Variants in CYTIP observed in about 807,000 individuals in gnomAD.
CYTIP encodes cytohesin 1 interacting protein, also known as cytohesin-interacting protein.
In CYTIP, 26 loss-of-function variants were observed where a neutral mutation model predicts 43.8. The ratio of observed to expected loss-of-function variants is 0.59; its 90% confidence interval spans 0.44 to 0.82. The LOEUF (loss-of-function observed/expected upper bound fraction) is 0.82. Ranked by LOEUF, CYTIP falls within the 40% of genes least tolerant of loss-of-function variation. The pLI, the probability that CYTIP is intolerant of heterozygous loss-of-function variation, is 0.00. For missense variants in CYTIP, 426 were observed against 443.1 expected (o/e 0.96, Z 0.35); for synonymous variants, 162 against 162.9 (o/e 0.99, Z 0.04).
At chr2:157,427,190 T>C (rs1685625520) in intron 6 of CYTIP, among the ~76,000 whole-genome samples, 161 bp downstream of exon 6, 1 of 152,196 alleles carries the variant, frequency 6.6e-6, no homozygotes. Flanking sequence ...GAATTTGATA[T>C]TCCTCCAAAG....
chr2:157,439,570 T>G lies in CYTIP; in HGVS notation c.174+4277A>C, dbSNP rs142094640. On this transcript the variant is annotated intron_variant, in intron 1 of 7. Coordinates refer to ENST00000264192, the MANE Select transcript of CYTIP (RefSeq NM_004288.5). ...AGACAGCCCTCCAGTCAGAGCCTTT[T>G]CTAAGGGTTGTAGTGATGGCGCCAA... Among the ~76,000 whole-genome samples the G allele has an allele frequency of 2.2e-3, 335 of 152,316 alleles. 1 individual carries two copies. The highest frequency in any genetic ancestry group is 7.6e-3 in the African/African-American group (316 of 41,562).
At chr2:157,437,156 G>GA (rs1214562441) in intron 1 of CYTIP, among the ~76,000 whole-genome samples, 1 of 151,928 alleles carries the variant, frequency 6.6e-6, no homozygotes, top group African/African-American at 2.4e-5. Context: ...ATTGGATTGG[G>GA]AAAAAATTTT....
At chr2:157,418,634 A>T in intron 6 of CYTIP, 45 bp from the exon 7 acceptor site, 1 of 1,503,236 alleles carries the variant, frequency 6.7e-7, no homozygotes, top group Non-Finnish European at 8.9e-7. Flanking sequence ...TTATTAGGAA[A>T]CCCCAGTGAA....
intron 3 of CYTIP, among the ~76,000 whole-genome samples, chr2:157,433,777 C>G (rs79705202): frequency 6.6e-6 from 1 of 152,084 alleles, no homozygotes; most frequent in African/African-American, 2.4e-5. Context: ...CAGCATGAGG[C>G]AATCTGCAAG....
In CYTIP at chr2:157,430,937, G is replaced by A; in HGVS notation, c.305C>T (p.Ala102Val). The change falls in exon 4 of 8, where the codon GCC becomes GTC. Residue 102 changes from alanine to valine, a missense_variant. Coordinates refer to ENST00000264192, the MANE Select transcript of CYTIP (RefSeq NM_004288.5). ...IQSYRPQNQN[A>V]CSSEMFTLIC... is the part of the protein sequence containing the mutation. ...CAAAGTGAACATTTCCGAGGAGCAG[G>A]CATTCTGATTCTGGGGCCTGTAAGA... The A allele has an allele frequency of 6.2e-7, 1 of 1,613,604 alleles. No homozygotes were observed. The highest frequency in any genetic ancestry group is 8.5e-7 in the Non-Finnish European group (1 of 1,179,806).
At chr2:157,442,833 C>T (rs1188213667) in intron 1 of CYTIP, among the ~76,000 whole-genome samples, 3 of 152,082 alleles carry the variant, frequency 2.0e-5, no homozygotes, top group Non-Finnish European at 4.4e-5. Context: ...AGAAGGCTTA[C>T]GAGAAGCACA....
intron 6 of CYTIP, among the ~76,000 whole-genome samples, chr2:157,426,622 G>A (rs1002204981): frequency 6.6e-6 from 1 of 152,124 alleles, no homozygotes; most frequent in East Asian, 1.9e-4. Context: ...TGCTCAGATT[G>A]GCTACCTGGT....
intron 5 of CYTIP, 59 bp downstream of exon 5, chr2:157,430,500 C>A (rs569718078): frequency 1.6e-4 from 235 of 1,439,932 alleles, no homozygotes; most frequent in Non-Finnish European, 2.1e-4. Context: ...ATTCACTCAT[C>A]AGGCTTTATG....
chr2:157,431,526 G>A lies in CYTIP; in HGVS notation c.280-564C>T, dbSNP rs138058235. Among the ~76,000 whole-genome samples the A allele has an allele frequency of 5.3e-5, 8 of 152,174 alleles. 1 individual carries two copies. In the East Asian group the frequency reaches 1.2e-3, roughly 22 times the overall value. On this transcript the variant is annotated intron_variant, in intron 3 of 7. Transcript: ENST00000264192. The stretch of plus-strand genomic sequence containing the variant: ...GGTATGCCTGTCCTGAATCCTCACC[G>A]GTTCATTAGTCACCCAACTAAATTA...
At chr2:157,440,923 T>C (rs1433010016) in intron 1 of CYTIP, among the ~76,000 whole-genome samples, 4 of 152,034 alleles carry the variant, frequency 2.6e-5, no homozygotes. Context: ...CCTACCGAGC[T>C]TTCCATTGCA....
intron 5 of CYTIP, among the ~76,000 whole-genome samples, chr2:157,429,363 C>CT (rs1381836914): frequency 2.0e-5 from 3 of 152,188 alleles, no homozygotes; most frequent in Non-Finnish European, 2.9e-5. Flanking sequence ...CAAATATCGC[C>CT]TCCCTAGAAA....
chr2:157,442,850 T>C (rs1355627709), intron 1 of CYTIP, among the ~76,000 whole-genome samples: 1 of 152,216 alleles, frequency 6.6e-6, no homozygotes, highest in Non-Finnish European at 1.5e-5. Flanking sequence ...CACATGATTG[T>C]ACATGCAAGA....
At chr2:157,429,818 T>C (rs1389879634) in intron 5 of CYTIP, among the ~76,000 whole-genome samples, 1 of 151,768 alleles carries the variant, frequency 6.6e-6, no homozygotes, top group Non-Finnish European at 1.5e-5. Flanking sequence ...GGTCAGGAGA[T>C]TGAGACCATC....
In CYTIP at chr2:157,415,357, C is replaced by T. The variant is rs148623966; in HGVS notation, c.*320G>A. The T allele has an allele frequency of 4.5e-6, 1 of 222,202 alleles. No individual in the cohort carries two copies. Among genetic ancestry groups the T allele is most frequent in the Admixed American group, 5.2e-5 (1 of 19,370 alleles). The allele number at this position is 222,202 out of a possible 1,614,324, so 13.8% of individuals were successfully genotyped here. ...TTCATACTTGACTCCAAAAAGTTCT[C>T]AATTATTCACAGGGATAATCTAGAA... is the stretch of plus-strand genomic sequence containing the variant. On this transcript the variant is annotated 3_prime_UTR_variant, in exon 8 of 8. Transcript: ENST00000264192.
intron 6 of CYTIP, among the ~76,000 whole-genome samples, chr2:157,425,581 TA>T (rs775005651): frequency 9.2e-5 from 14 of 152,292 alleles, no homozygotes; most frequent in Non-Finnish European, 1.3e-4. Context: ...GTATGTACAT[TA>T]AAACTTAAGG....
Position 157,443,929 on chromosome 2 carries a change from G to C in CYTIP, c.92C>G (p.Thr31Ser). 1 of 1,614,184 alleles carries C rather than the reference G, an allele frequency of 6.2e-7. No homozygotes were observed. Among genetic ancestry groups the C allele is most frequent in the Non-Finnish European group, 8.5e-7 (1 of 1,180,012 alleles). ...ATTATCGTCCATCGTAAGGCTGCCG[G>C]TGAGTGTGGAGTAAGAGCTATACGC... ...GPAYSSYSTLTGSLTMDDNRR... is the reference protein window; with the variant it reads ...GPAYSSYSTLSGSLTMDDNRR... Residue 31 changes from threonine (T) to serine (S), a missense_variant, in exon 1 of 8, where the codon ACC becomes AGC. Physicochemically the swap from Thr to Ser is moderately conservative, Grantham distance 58 (BLOSUM62 1). Coordinates refer to ENST00000264192, the MANE Select transcript of CYTIP (RefSeq NM_004288.5).
chr2:157,415,551 G>A lies in CYTIP; in HGVS notation c.*126C>T, dbSNP rs1685426052. 4.6e-6 allele frequency: 3 copies of A among 651,328 alleles called. No homozygotes were observed. The highest frequency in any genetic ancestry group is 5.4e-6 in the Non-Finnish European group (2 of 367,748). The allele number at this position is 651,328 out of a possible 1,614,324, so 40.3% of individuals were successfully genotyped here. On this transcript the variant is annotated 3_prime_UTR_variant, in exon 8 of 8. Coordinates refer to ENST00000264192, the MANE Select transcript of CYTIP (RefSeq NM_004288.5). Reference sequence around the variant, plus strand: ...ACTATAACACAACAATTTAAATAAAGGTCACTATTGCTGTGAAATGGGATG... The same window carrying A: ...ACTATAACACAACAATTTAAATAAAAGTCACTATTGCTGTGAAATGGGATG...
intron 6 of CYTIP, among the ~76,000 whole-genome samples, chr2:157,420,803 T>C (rs1028308970): frequency 6.6e-6 from 1 of 152,166 alleles, no homozygotes; most frequent in Non-Finnish European, 1.5e-5. Context: ...ACCTCTTTCA[T>C]CTTTCTTAAA....
chr2:157,425,358 A>G (rs1685586647), intron 6 of CYTIP, among the ~76,000 whole-genome samples: 1 of 152,210 alleles, frequency 6.6e-6, no homozygotes, highest in Non-Finnish European at 1.5e-5. Context: ...AACAAACAAC[A>G]GCAAACATAT....
Sources: allele counts gnomAD v4.1 joint callset (sites outside exome capture counted in the v4.1 genomes callset), GRCh38; gene constraint gnomAD v4.1.1; transcripts MANE v1.5; gene names NCBI Gene and HGNC (gene_info 2026-07-23, HGNC 2026-07-21).